HGF: variants seen among roughly 807,000 people sequenced by gnomAD.
HGF encodes the protein fibroblast-derived tumor cytotoxic factor.
Under a neutral mutation model 111.6 loss-of-function variants are expected in HGF, and 39 were observed. That is an observed-to-expected ratio of 0.35 (90% CI 0.27 to 0.46). The LOEUF is 0.46. Among genes scored for constraint, HGF ranks in the 20% least tolerant of loss-of-function variants. The probability of loss-of-function intolerance (pLI) is 1.00; values close to 1 mark genes in which losing one functional copy is unlikely to be tolerated. For synonymous variants in HGF, 285 were observed against 294.8 expected (o/e 0.97, Z 0.34); for missense variants, 735 against 910.5 (o/e 0.81, Z 2.48).
intron 7 of HGF, among the ~76,000 whole-genome samples, chr7:81,737,330 C>T (rs987003588): frequency 1.3e-5 from 2 of 151,734 alleles, no homozygotes; most frequent in Non-Finnish European, 2.9e-5. Flanking sequence ...TTTCTGGTGC[C>T]GAGGGGCTGA....
At chr7:81,706,472 A>AG in intron 14 of HGF, 45 bp from the exon 15 acceptor site, 1 of 1,477,066 alleles carries the variant, frequency 6.8e-7, no homozygotes, top group Non-Finnish European at 9.5e-7. Context: ...TAATAATTCC[A>AG]AATTCTGTAG....
At chr7:81,714,698 C>G (rs1422502768) in intron 11 of HGF, among the ~76,000 whole-genome samples, 1 of 150,958 alleles carries the variant, frequency 6.6e-6, no homozygotes, top group Non-Finnish European at 1.5e-5. Flanking sequence ...ATTTTGTAAG[C>G]ATGTTAAAAA....
chr7:81,757,599 T>C (rs1788843977), intron 3 of HGF, among the ~76,000 whole-genome samples: 1 of 152,174 alleles, frequency 6.6e-6, no homozygotes, highest in Non-Finnish European at 1.5e-5. Context: ...AATTATGATT[T>C]GCTCAAATAT....
chr7:81,730,531 A>G (rs1247079890), intron 7 of HGF, among the ~76,000 whole-genome samples: 1 of 152,230 alleles, frequency 6.6e-6, no homozygotes, highest in Admixed American at 6.5e-5. Context: ...GTTGACAATA[A>G]AGAAAAAATC....
intron 15 of HGF, 60 bp downstream of exon 15, chr7:81,706,227 G>A: frequency 4.0e-6 from 6 of 1,501,562 alleles, no homozygotes; most frequent in Non-Finnish European, 5.6e-6. Flanking sequence ...CACAGCTGAA[G>A]AAAATGCTCC....
intron 13 of HGF, 99 bp downstream of exon 13, chr7:81,710,048 A>G: frequency 1.2e-6 from 1 of 830,862 alleles, no homozygotes; most frequent in Non-Finnish European, 2.1e-6. Context: ...TGCCCTGTGG[A>G]GGGTACAACC....
intron 5 of HGF, among the ~76,000 whole-genome samples, 177 bp from the exon 6 acceptor site, chr7:81,745,297 T>C (rs1788192612): frequency 6.6e-6 from 1 of 152,186 alleles, no homozygotes; most frequent in South Asian, 2.1e-4. Context: ...CTACTCCCTA[T>C]AGAACACATC....
At chr7:81,703,040 C>A (rs5745763) in intron 17 of HGF, among the ~76,000 whole-genome samples, 2 of 151,670 alleles carry the variant, frequency 1.3e-5, no homozygotes, top group East Asian at 3.9e-4. Flanking sequence ...TTTAAGTGTG[C>A]TTTGCCTTTG....
intron 3 of HGF, 117 bp from the exon 4 acceptor site, chr7:81,757,420 T>G: frequency 1.5e-6 from 1 of 667,226 alleles, no homozygotes; most frequent in Middle Eastern, 3.7e-4. Flanking sequence ...TCAAATAACA[T>G]TGAAATTTCT....
chr7:81,745,118 C>T lies in HGF; in HGVS notation c.628G>A (p.Glu210Lys). ...CTCTCCCCATTGCAGGTCATGCATT[C>T]AACTAATAAAATTAAAGTATGGCAT... ...VCDIPQCSEV[E>K]CMTCNGESYR... is the part of the protein sequence containing the mutation. Residue 210 changes from glutamate to lysine, a missense_variant and splice_region_variant, in exon 6 of 18, where the codon GAA becomes AAA. Coordinates refer to ENST00000222390, the MANE Select transcript of HGF (RefSeq NM_000601.6). 6.2e-7 allele frequency: 1 copy of T among 1,613,752 alleles called. No homozygotes were observed. Among genetic ancestry groups the T allele is most frequent in the Non-Finnish European group, 8.5e-7 (1 of 1,179,782 alleles).
At chr7:81,762,991 G>T in intron 1 of HGF, 119 bp from the exon 2 acceptor site, 2 of 669,036 alleles carry the variant, frequency 3.0e-6, no homozygotes, top group Non-Finnish European at 5.2e-6. Flanking sequence ...CAATATACTA[G>T]ATTTCCAGGG....
intron 7 of HGF, among the ~76,000 whole-genome samples, chr7:81,735,587 C>A (rs145874912): frequency 1.3e-5 from 2 of 152,148 alleles, no homozygotes; most frequent in African/African-American, 4.8e-5. Context: ...CATATAAACA[C>A]ACTGAATTTT....
At chr7:81,735,607 CTA>C (rs1787800726) in intron 7 of HGF, among the ~76,000 whole-genome samples, 1 of 151,928 alleles carries the variant, frequency 6.6e-6, no homozygotes, top group African/African-American at 2.4e-5. Context: ...TAAAAGACGA[CTA>C]TGTTCTTTTA....
chr7:81,754,382 AT>A lies in HGF; in HGVS notation c.483-2121del, dbSNP rs200980191. The stretch of plus-strand genomic sequence containing the variant: ...GTCCCCTCTACACATGCACACCGAA[AT>A]ACACAAAGTGATACACCCATATACC... On this transcript the variant is annotated intron_variant, in intron 4 of 17. Coordinates refer to ENST00000222390, the MANE Select transcript of HGF (RefSeq NM_000601.6). 5.9e-3 allele frequency among the ~76,000 whole-genome samples: 898 copies of A among 152,126 alleles called. 10 individuals carry two copies. Among genetic ancestry groups the A allele is most frequent in the South Asian group, 0.027 (132 of 4,824 alleles).
chr7:81,729,650 T>C lies in HGF; in HGVS notation c.995A>G (p.Gln332Arg). ...AGTCATGTCATGCTCGTGAGGATAC[T>C]GAGAATCCCAACGCTGACATGGAAT... Reference protein sequence around the residue: ...NGIPCQRWDSQYPHEHDMTPE... With the variant: ...NGIPCQRWDSRYPHEHDMTPE... Residue 332 changes from glutamine (Q) to arginine (R), a missense_variant, in exon 8 of 18, where the codon CAG (glutamine) becomes CGG (arginine). This residue lies in a region of HGF where 553 missense variants were observed against 685.6 expected (regional missense o/e 0.81). Coordinates refer to ENST00000222390, the MANE Select transcript of HGF (RefSeq NM_000601.6). 1.9e-6 allele frequency: 3 copies of C among 1,613,292 alleles called. No individual in the cohort carries two copies. Among genetic ancestry groups the C allele is most frequent in the Non-Finnish European group, 2.5e-6 (3 of 1,179,216 alleles).
chr7:81,756,996 T>C, intron 4 of HGF, 193 bp downstream of exon 4: 2 of 602,748 alleles, frequency 3.3e-6, no homozygotes, highest in Non-Finnish European at 5.9e-6. Flanking sequence ...TTGTTTTGGC[T>C]ACATTTTATT....
Position 81,729,579 on chromosome 7 carries a change from G to A in HGF, c.1040+26C>T, listed in dbSNP as rs1363485659. On this transcript the variant is annotated intron_variant, in intron 8 of 17. Transcript: ENST00000222390. ...CATTTTCCCCAGGGCCTACTGAAAT[G>A]TATAACATTTGCCTACTTTACTCAC... The A allele has an allele frequency of 2.5e-6, 4 of 1,572,126 alleles. No homozygotes were observed. The Admixed American group carries it at 5.0e-5, about 20-fold the overall frequency.
At chr7:81,738,991 T>C (rs1787921071) in intron 7 of HGF, among the ~76,000 whole-genome samples, 1 of 152,118 alleles carries the variant, frequency 6.6e-6, no homozygotes, top group African/African-American at 2.4e-5. Flanking sequence ...TGACTTTCCT[T>C]GACTTTCCGG....
chr7:81,767,276 T>C (rs898421741), intron 1 of HGF, among the ~76,000 whole-genome samples: 7 of 151,574 alleles, frequency 4.6e-5, no homozygotes, highest in African/African-American at 1.5e-4. Context: ...TGCTGCTCGC[T>C]TCAATATAAA....
Sources: allele counts gnomAD v4.1 joint callset (sites outside exome capture counted in the v4.1 genomes callset), GRCh38; gene constraint gnomAD v4.1.1; regional missense constraint gnomAD v4.1.1; transcripts MANE v1.5; gene names NCBI Gene and HGNC (gene_info 2026-07-23, HGNC 2026-07-21).